The following CCDC33 variants were observed in gnomAD, a reference collection of about 807,000 sequenced individuals.
CCDC33 encodes coiled-coil domain-containing protein 33.
CCDC33 carries 94 observed loss-of-function variants against 91.9 expected under a neutral mutation model. That is an observed-to-expected ratio of 1.02 (90% CI 0.87 to 1.21). The LOEUF is 1.21. CCDC33 is among the 50% of genes most tolerant of loss of function. CCDC33 has a pLI of 0.00. For missense variants in CCDC33, 940 were observed against 935.5 expected, an observed-to-expected ratio of 1.00 and a Z score of -0.06; for synonymous variants, 396 against 374.5, an observed-to-expected ratio of 1.06 and a Z score of -0.66.
intron 10 of CCDC33, among the ~76,000 whole-genome samples, chr15:74,282,095 A>T (rs1472904511): frequency 1.3e-5 from 2 of 152,242 alleles, no homozygotes; most frequent in African/African-American, 4.8e-5. Flanking sequence ...GCCCAAGCCA[A>T]GTCTGGCTCA....
chr15:74,240,070 G>T (rs168432), intron 1 of CCDC33, among the ~76,000 whole-genome samples: 1 of 152,080 alleles, frequency 6.6e-6, no homozygotes, highest in South Asian at 2.1e-4. Flanking sequence ...CCTTACCCTT[G>T]GCCCCAAGCC....
At chr15:74,317,887 G>GTT (rs71137385) in intron 11 of CCDC33, among the ~76,000 whole-genome samples, 51 of 110,462 alleles carry the variant, frequency 4.6e-4, no homozygotes, top group South Asian at 1.1e-3. Context: ...GTTTGGGTTT[G>GTT]TTTTTTTTTT....
intron 5 of CCDC33, among the ~76,000 whole-genome samples, chr15:74,270,051 G>A (rs2076271940): frequency 6.6e-6 from 1 of 152,222 alleles, no homozygotes; most frequent in African/African-American, 2.4e-5. Flanking sequence ...CATCCAAAGT[G>A]TGAAATGTAC....
intron 2 of CCDC33, among the ~76,000 whole-genome samples, chr15:74,253,235 G>A (rs931235273): frequency 5.9e-5 from 9 of 152,170 alleles, no homozygotes; most frequent in Non-Finnish European, 7.4e-5. Flanking sequence ...TGGGCAGAGC[G>A]GCTGACAGCC....
At chr15:74,332,578 G>A (rs2060461650) in intron 15 of CCDC33, 101 bp from the exon 16 acceptor site, 1 of 1,261,818 alleles carries the variant, frequency 7.9e-7, no homozygotes, top group Non-Finnish European at 1.1e-6. Context: ...GGGAGTAGAG[G>A]GGAGGGGTGG....
upstream of CCDC33, among the ~76,000 whole-genome samples, chr15:74,233,926 CAG>C (rs1227765618): frequency 6.6e-6 from 1 of 152,140 alleles, no homozygotes; most frequent in African/African-American, 2.4e-5. Context: ...ACAGGACTCA[CAG>C]GGAAGGAAAG....
intron 1 of CCDC33, among the ~76,000 whole-genome samples, chr15:74,203,583 T>C (rs2074178612): frequency 6.6e-6 from 1 of 152,242 alleles, no homozygotes; most frequent in South Asian, 2.1e-4. Flanking sequence ...AAGGCAGTCA[T>C]TCAACAGCTT....
chr15:74,281,728 C>A, intron 9 of CCDC33, 50 bp from the exon 10 acceptor site: 1 of 1,510,184 alleles, frequency 6.6e-7, no homozygotes, highest in East Asian at 2.3e-5. Flanking sequence ...GGGGCAGAGG[C>A]GGAAGCTGCC....
rs1041095399 is a variant in CCDC33 at position 74,209,693 on chromosome 15, C to T, written n.236+159C>T. 9.8e-6 allele frequency: 5 copies of T among 508,698 alleles called. No homozygotes were observed. The Admixed American group carries it at 1.8e-4, about 18-fold the overall frequency. 31.5% of individuals were successfully genotyped at this position (508,698 alleles called of 1,614,324 possible). ...TGCTGGACAGTCGGCTGCATCCCCC[C>T]TCACCTGAGCACAGGCTCTCCCTAC... On this transcript the variant is annotated intron_variant and non_coding_transcript_variant, in intron 2 of 3. Coordinates refer to the CCDC33 transcript ENST00000558645.
chr15:74,334,490 G>C (rs2060519368), intron 17 of CCDC33, among the ~76,000 whole-genome samples: 1 of 144,132 alleles, frequency 6.9e-6, no homozygotes, highest in South Asian at 2.1e-4. Context: ...TTAGGGTTCA[G>C]TATACAACCA....
Position 74,222,903 on chromosome 15 carries a change from C to G in CCDC33, c.675+4042C>G, listed in dbSNP as rs113426542. ...TCTTGCCTTTAAGGCCCAAGCACTC[C>G]GTCCTCACTCCCCCCGCCCCCATGG... On this transcript the variant is annotated intron_variant, in intron 2 of 2. Transcript: ENST00000635913. 4.4e-3 allele frequency among the ~76,000 whole-genome samples: 664 copies of G among 151,846 alleles called. 4 individuals are homozygous for G. Among genetic ancestry groups the G allele is most frequent in the African/African-American group, 0.015 (637 of 41,368 alleles).
At chr15:74,260,293 T>G (rs1017776631) in intron 2 of CCDC33, among the ~76,000 whole-genome samples, 1 of 152,160 alleles carries the variant, frequency 6.6e-6, no homozygotes, top group Non-Finnish European at 1.5e-5. Context: ...CTCTCTAGCC[T>G]GGCAGCCTCC....
intron 7 of CCDC33, among the ~76,000 whole-genome samples, chr15:74,277,797 G>A (rs570110457): frequency 1.3e-5 from 2 of 152,232 alleles, no homozygotes; most frequent in Non-Finnish European, 2.9e-5. Flanking sequence ...TGGGCCGGCA[G>A]CCACTCACCA....
chr15:74,218,415 A>T lies in CCDC33; in HGVS notation c.311-82A>T, dbSNP rs923730209. On this transcript the variant is annotated intron_variant, in intron 1 of 2. Transcript: ENST00000635913. This position sits in a 1 kb window ranked among gnomAD's most constrained non-coding sequence, Gnocchi z 4.8. ...AAGTCTGGGCAGCCCAGGTTTCCCC[A>T]GGGCCCTGCCTGTCCTCCTAGTCAC... The T allele has an allele frequency of 2.5e-6, 3 of 1,199,950 alleles. No individual in the cohort carries two copies. Among genetic ancestry groups the T allele is most frequent in the Non-Finnish European group, 3.2e-6 (3 of 939,540 alleles). The allele number at this position is 1,199,950 out of a possible 1,614,324, so 74.3% of individuals were successfully genotyped here.
In CCDC33 at chr15:74,333,128, C is replaced by T. The variant is rs756613292; in HGVS notation, c.1938+283C>T. The T allele has an allele frequency of 7.6e-6, 8 of 1,047,208 alleles. 1 individual carries two copies. Among genetic ancestry groups the T allele is most frequent in the Non-Finnish European group, 1.2e-5 (8 of 690,822 alleles). The allele number at this position is 1,047,208 out of a possible 1,614,324, so 64.9% of individuals were successfully genotyped here. ...CCTGACCCCTTTTTCACCTGGCTGG[C>T]CTCCACCTGGACCCTACACAGGCCT... On this transcript the variant is annotated intron_variant, in intron 16 of 18. Transcript: ENST00000398814.
At chr15:74,277,212 C>T (rs1309145088) in intron 7 of CCDC33, among the ~76,000 whole-genome samples, 2 of 152,286 alleles carry the variant, frequency 1.3e-5, no homozygotes, top group East Asian at 3.9e-4. Context: ...AAAGTAGGTC[C>T]CAAAGAGGAG....
At chr15:74,260,212 G>A (rs915701615) in intron 2 of CCDC33, among the ~76,000 whole-genome samples, 11 of 152,140 alleles carry the variant, frequency 7.2e-5, no homozygotes, top group Admixed American at 5.9e-4. Context: ...TCACAGAGCC[G>A]GAGGGAAAAA....
Position 74,330,721 on chromosome 15 carries a change from G to A in CCDC33, c.1515G>A (p.Arg505=). 1 of 1,613,694 alleles carries A rather than the reference G, an allele frequency of 6.2e-7. No individual in the cohort carries two copies. The highest frequency in any genetic ancestry group is 1.1e-5 in the South Asian group (1 of 91,068). Reference sequence around the variant, plus strand: ...TGGATATGAAGAAACTGAGGGACAGGGTGCAGCATTTGCAGAATGAGCTGA... The same window carrying A: ...TGGATATGAAGAAACTGAGGGACAGAGTGCAGCATTTGCAGAATGAGCTGA... ...SELDMKKLRD[R]VQHLQNELIR... Residue 505 remains arginine (R), a synonymous_variant, in exon 13 of 19, where the codon AGG becomes AGA. Transcript: ENST00000398814.
intron 11 of CCDC33, among the ~76,000 whole-genome samples, chr15:74,326,609 GC>G (rs2060314789): frequency 6.6e-6 from 1 of 152,268 alleles, no homozygotes. Flanking sequence ...TCTCACCTGG[GC>G]AGGATCTGAT....
Sources: gnomAD v4.1 joint callset for allele counts (sites outside exome capture counted in the v4.1 genomes callset) on GRCh38, gnomAD v4.1.1 for gene constraint, Gnocchi (gnomAD v3.1) non-coding constraint, MANE v1.5 for transcripts, NCBI Gene and HGNC (gene_info 2026-07-23, HGNC 2026-07-21) for gene names.